TAF4B: variants seen among roughly 807,000 people sequenced by gnomAD.
TAF4B encodes the protein TATA-box binding protein associated factor 4b, also known as transcription initiation factor TFIID subunit 4B.
Under a neutral mutation model 86.4 loss-of-function variants are expected in TAF4B, and 38 were observed. That is an observed-to-expected ratio of 0.44 (90% CI 0.34 to 0.58). TAF4B has a LOEUF of 0.58. Ranked by LOEUF, TAF4B falls within the 20% of genes least tolerant of loss-of-function variation. The pLI is 0.02. For synonymous variants in TAF4B, 388 were observed against 391.2 expected, an observed-to-expected ratio of 0.99 and a Z score of 0.10; for missense variants, 988 against 1,027.6, an observed-to-expected ratio of 0.96 and a Z score of 0.53.
chr18:26,343,156 C>G (rs913475037), intron 13 of TAF4B, among the ~76,000 whole-genome samples: 1 of 152,112 alleles, frequency 6.6e-6, no homozygotes, highest in African/African-American at 2.4e-5. Flanking sequence ...CATCCCCTAC[C>G]CCCATTCTTC....
chr18:26,385,678 C>A (rs1440767868), intron 14 of TAF4B, among the ~76,000 whole-genome samples: 2 of 41,338 alleles, frequency 4.8e-5, no homozygotes, highest in Non-Finnish European at 6.1e-5. Flanking sequence ...GAATAAACAG[C>A]GTTTTTTTTT....
At chr18:26,357,999 C>T (rs1028652442) in intron 14 of TAF4B, among the ~76,000 whole-genome samples, 1 of 152,142 alleles carries the variant, frequency 6.6e-6, no homozygotes, top group African/African-American at 2.4e-5. Flanking sequence ...TTATTTCATA[C>T]TACTTGTTAC....
intron 1 of TAF4B, among the ~76,000 whole-genome samples, chr18:26,240,899 A>G (rs1341320659): frequency 6.6e-6 from 1 of 152,080 alleles, no homozygotes; most frequent in African/African-American, 2.4e-5. Context: ...ATTGATTTTC[A>G]TATGTTGAAC....
chr18:26,339,122 CTG>C (rs1172728811), intron 13 of TAF4B, among the ~76,000 whole-genome samples: 1 of 152,316 alleles, frequency 6.6e-6, no homozygotes, highest in East Asian at 1.9e-4. Flanking sequence ...AACTTACGGG[CTG>C]TCTTCTTTCC....
intron 1 of TAF4B, among the ~76,000 whole-genome samples, chr18:26,244,680 G>A (rs1327429950): frequency 6.6e-6 from 1 of 152,154 alleles, no homozygotes; most frequent in African/African-American, 2.4e-5. Flanking sequence ...GACTGGAGCT[G>A]TTCCTATTCG....
intron 12 of TAF4B, among the ~76,000 whole-genome samples, chr18:26,334,049 C>T (rs2057071877): frequency 6.6e-6 from 1 of 151,704 alleles, no homozygotes; most frequent in Admixed American, 6.6e-5. Context: ...AATATAAATA[C>T]ATATATACAC....
At chr18:26,304,900 T>C (rs1007053356) in intron 9 of TAF4B, 7 of 984,946 alleles carry the variant, frequency 7.1e-6, no homozygotes, top group African/African-American at 3.5e-5. Flanking sequence ...TTCTGACTTA[T>C]TACTTTCGCC....
intron 1 of TAF4B, among the ~76,000 whole-genome samples, chr18:26,262,227 T>C (rs1760633831): frequency 6.6e-6 from 1 of 151,518 alleles, no homozygotes; most frequent in Admixed American, 6.6e-5. Flanking sequence ...TGGGGGTAGA[T>C]GAGAAATGCA....
At chr18:26,351,167 G>C (rs2057242511) in intron 13 of TAF4B, among the ~76,000 whole-genome samples, 1 of 152,106 alleles carries the variant, frequency 6.6e-6, no homozygotes, top group South Asian at 2.1e-4. Context: ...TATATACACA[G>C]TGGAATACTA....
At chr18:26,368,914 C>G (rs2144337136) in intron 14 of TAF4B, among the ~76,000 whole-genome samples, 1 of 152,060 alleles carries the variant, frequency 6.6e-6, no homozygotes, top group South Asian at 2.1e-4. Context: ...ATCATTTTTT[C>G]ACAAGTCCCA....
At chr18:26,265,069 C>G in intron 1 of TAF4B, 101 bp from the exon 2 acceptor site, 1 of 1,211,902 alleles carries the variant, frequency 8.3e-7, no homozygotes, top group Non-Finnish European at 1.1e-6. Flanking sequence ...GTATTGAAGA[C>G]ATCTTTTTAA....
At chr18:26,312,956 GATAGAAAAGGGT>G (rs1259488410) in intron 9 of TAF4B, among the ~76,000 whole-genome samples, 1 of 152,114 alleles carries the variant, frequency 6.6e-6, no homozygotes, top group Admixed American at 6.6e-5. Flanking sequence ...ACATTCAAAA[GATAGAAAAGGGT>G]ATAATTGGTA....
At chr18:26,275,931 G>A (rs1257707557) in intron 5 of TAF4B, among the ~76,000 whole-genome samples, 2 of 150,822 alleles carry the variant, frequency 1.3e-5, no homozygotes, top group African/African-American at 4.9e-5. Flanking sequence ...CAGGAGAATG[G>A]CTTGAACCTG....
At chr18:26,261,332 C>G (rs1895946579) in intron 1 of TAF4B, among the ~76,000 whole-genome samples, 1 of 150,762 alleles carries the variant, frequency 6.6e-6, no homozygotes, top group African/African-American at 2.4e-5. Flanking sequence ...TCCCAAGTAG[C>G]TGGGACTACA....
At chr18:26,382,095 CA>C (rs1231212415) in intron 14 of TAF4B, among the ~76,000 whole-genome samples, 9 of 152,124 alleles carry the variant, frequency 5.9e-5, no homozygotes, top group African/African-American at 2.2e-4. Flanking sequence ...AGTTTTGAGG[CA>C]CAGCAACCCT....
chr18:26,327,521 A>G (rs932863123), intron 12 of TAF4B, among the ~76,000 whole-genome samples: 8 of 152,214 alleles, frequency 5.3e-5, no homozygotes, highest in African/African-American at 1.9e-4. Context: ...ATTTTGTGGA[A>G]CAAAATACAG....
At chr18:26,384,983 G>T (rs893114264) in intron 14 of TAF4B, among the ~76,000 whole-genome samples, 2 of 152,130 alleles carry the variant, frequency 1.3e-5, no homozygotes, top group East Asian at 3.9e-4. Flanking sequence ...AGAGAATTTT[G>T]AATGGAATCA....
chr18:26,346,889 ATATATATATATGTG>A (rs2057200875), intron 13 of TAF4B, among the ~76,000 whole-genome samples: 2 of 15,326 alleles, frequency 1.3e-4, no homozygotes, highest in African/African-American at 3.2e-4. Context: ...ATATATATAT[ATATATATATATGTG>A]TGTGTATATA....
intron 14 of TAF4B, among the ~76,000 whole-genome samples, chr18:26,363,003 A>G (rs550026628): frequency 9.2e-5 from 14 of 152,198 alleles, no homozygotes; most frequent in Non-Finnish European, 1.6e-4. Flanking sequence ...GATTTCAAGT[A>G]TACAGGAAGA....
Sources: gnomAD v4.1 joint callset for allele counts (sites outside exome capture counted in the v4.1 genomes callset) on GRCh38, gnomAD v4.1.1 for gene constraint, MANE v1.5 for transcripts, NCBI Gene and HGNC (gene_info 2026-07-23, HGNC 2026-07-21) for gene names.